The following PDE10A variants were observed in gnomAD, a reference collection of about 807,000 sequenced individuals.
The protein encoded by PDE10A is cAMP and cAMP-inhibited cGMP 3',5'-cyclic phosphodiesterase 10A.
A neutral mutation model predicts 97.7 loss-of-function variants in PDE10A; 39 were observed. The observed-to-expected ratio is 0.40, with a 90% CI of 0.31 to 0.52. PDE10A has a LOEUF of 0.52. Among genes scored for constraint, PDE10A ranks in the 20% least tolerant of loss-of-function variants. The pLI is 0.56. For synonymous variants in PDE10A, 371 were observed against 376.8 expected, an observed-to-expected ratio of 0.98 and a Z score of 0.18; for missense variants, 731 against 1,047.8, an observed-to-expected ratio of 0.70 and a Z score of 4.17.
intron 1 of PDE10A, among the ~76,000 whole-genome samples, chr6:165,643,863 A>G (rs1297933607): frequency 1.3e-5 from 2 of 152,208 alleles, no homozygotes; most frequent in African/African-American, 2.4e-5. Flanking sequence ...AAAAACAATG[A>G]TAAGTGGGTT....
chr6:165,797,071 G>A (rs1181313144), intron 1 of PDE10A, among the ~76,000 whole-genome samples: 2 of 152,196 alleles, frequency 1.3e-5, no homozygotes, highest in Non-Finnish European at 2.9e-5. Flanking sequence ...CAGGTAAAAA[G>A]CAGGACTCTC....
intron 1 of PDE10A, among the ~76,000 whole-genome samples, chr6:165,967,266 G>A (rs1225434103): frequency 6.6e-6 from 1 of 152,210 alleles, no homozygotes; most frequent in Non-Finnish European, 1.5e-5. Flanking sequence ...GGAGGCCGAG[G>A]CAGGCAGATC....
chr6:165,870,873 C>T (rs1251477514), intron 1 of PDE10A, among the ~76,000 whole-genome samples: 1 of 152,172 alleles, frequency 6.6e-6, no homozygotes, highest in African/African-American at 2.4e-5. Context: ...ATATCATGTT[C>T]TCACTCATGT....
chr6:165,682,885 C>T (rs1217711163), intron 1 of PDE10A, among the ~76,000 whole-genome samples: 1 of 152,174 alleles, frequency 6.6e-6, no homozygotes, highest in Non-Finnish European at 1.5e-5. Context: ...GTACCTGCAC[C>T]TTCAGGTCTG....
At chr6:165,599,385 G>A (rs1214862079) in intron 1 of PDE10A, among the ~76,000 whole-genome samples, 4 of 152,138 alleles carry the variant, frequency 2.6e-5, no homozygotes, top group Non-Finnish European at 5.9e-5. Flanking sequence ...CAGAGTGCCC[G>A]TATAGTTTTC....
chr6:165,758,123 A>G (rs1339576628), intron 1 of PDE10A, among the ~76,000 whole-genome samples: 1 of 152,246 alleles, frequency 6.6e-6, no homozygotes, highest in Non-Finnish European at 1.5e-5. Context: ...TTTTCATGAG[A>G]TTAAAAACTT....
intron 1 of PDE10A, among the ~76,000 whole-genome samples, chr6:165,784,313 A>G (rs1035604935): frequency 8.5e-5 from 13 of 152,210 alleles, no homozygotes; most frequent in Admixed American, 7.8e-4. Context: ...AGCCATCCTA[A>G]CCTCAACCAT....
intron 18 of PDE10A, among the ~76,000 whole-genome samples, chr6:165,352,111 C>A (rs868863586): frequency 6.6e-6 from 1 of 152,198 alleles, no homozygotes; most frequent in African/African-American, 2.4e-5. Context: ...ACCTTGGCCT[C>A]CCAAAGTGCT....
intron 1 of PDE10A, among the ~76,000 whole-genome samples, chr6:165,683,373 A>C (rs1791028666): frequency 1.3e-5 from 2 of 152,158 alleles, no homozygotes; most frequent in Non-Finnish European, 2.9e-5. Flanking sequence ...GGACTTATTT[A>C]AACAACAACA....
chr6:165,541,283 G>A (rs78541812), intron 2 of PDE10A, among the ~76,000 whole-genome samples: 2,993 of 151,842 alleles, frequency 0.02, 100 homozygotes, highest in African/African-American at 0.069. Context: ...CTAGCCCTCT[G>A]CAAGGTCAAA....
chr6:165,764,982 C>G (rs1777789916), intron 1 of PDE10A, among the ~76,000 whole-genome samples: 1 of 152,102 alleles, frequency 6.6e-6, no homozygotes, highest in Admixed American at 6.5e-5. Context: ...TCTCCACATC[C>G]CCATCAGATT....
chr6:165,431,645 C>T (rs1157287756), intron 7 of PDE10A, among the ~76,000 whole-genome samples, 173 bp from the exon 8 acceptor site: 1 of 148,532 alleles, frequency 6.7e-6, no homozygotes, highest in African/African-American at 2.5e-5. Context: ...TACACACACA[C>T]ACTACTTGTA....
rs374107653 is a variant in PDE10A, at chr6:165,610,549, AG to A, written c.865+51397del. Reference sequence around the variant, plus strand: ...CCGTCTCAAAAAAAAAAAAAAAAAAAGAAAGAAATGGGGAAAGGATTCCCTA... The same window carrying A: ...CCGTCTCAAAAAAAAAAAAAAAAAAAAAAGAAATGGGGAAAGGATTCCCTA... On this transcript the variant is annotated intron_variant, in intron 1 of 21. Transcript: ENST00000539869. Among the ~76,000 whole-genome samples, 1,072 of 149,612 alleles carry A rather than the reference AG, an allele frequency of 7.2e-3. 16 individuals are homozygous for A. Among genetic ancestry groups the A allele is most frequent in the African/African-American group, 0.026 (1,028 of 39,738 alleles).
At chr6:165,765,048 G>C (rs113446709) in intron 1 of PDE10A, among the ~76,000 whole-genome samples, 15,632 of 152,170 alleles carry the variant, frequency 0.1, 978 homozygotes, top group South Asian at 0.19. Context: ...AGAGCAGCTA[G>C]ATACAGAGTG....
At chr6:165,754,695 G>C (rs1185088993) in intron 1 of PDE10A, among the ~76,000 whole-genome samples, 1 of 152,072 alleles carries the variant, frequency 6.6e-6, no homozygotes, top group Non-Finnish European at 1.5e-5. Context: ...TCCACTTACC[G>C]TGTGAATTTG....
At chr6:165,355,358 G>A (rs1782960697) in intron 18 of PDE10A, among the ~76,000 whole-genome samples, 1 of 152,138 alleles carries the variant, frequency 6.6e-6, no homozygotes, top group Admixed American at 6.5e-5. Flanking sequence ...TCTAGTCAAT[G>A]TCCCTCATCG....
chr6:165,373,386 C>A lies in PDE10A; in HGVS notation c.2783+5808G>T, dbSNP rs1020556508. On this transcript the variant is annotated intron_variant, in intron 18 of 21. Transcript: ENST00000539869. ...AATGAACTCAAACAAATTTACAAGA[C>A]AAAAACAAACAACCCCATCAAAAAG... is the stretch of plus-strand genomic sequence containing the variant. Among the ~76,000 whole-genome samples, 1,440 of 151,990 alleles carry A rather than the reference C, an allele frequency of 9.5e-3. 17 individuals are homozygous for A. The highest frequency in any genetic ancestry group is 0.033 in the African/African-American group (1,355 of 41,452).
upstream of PDE10A, among the ~76,000 whole-genome samples, chr6:165,663,485 C>G (rs953663550): frequency 6.6e-6 from 1 of 152,248 alleles, no homozygotes; most frequent in Admixed American, 6.5e-5. Context: ...CAGCTGTGCG[C>G]TGCTGGGCGA....
chr6:165,907,073 G>T (rs1782307054), intron 1 of PDE10A, among the ~76,000 whole-genome samples: 1 of 150,700 alleles, frequency 6.6e-6, no homozygotes, highest in African/African-American at 2.5e-5. Flanking sequence ...GTGTTAGGAG[G>T]ACTCCTCTGC....
Sources: gnomAD v4.1 joint callset for allele counts (sites outside exome capture counted in the v4.1 genomes callset) on GRCh38, gnomAD v4.1.1 for gene constraint, MANE v1.5 for transcripts, NCBI Gene and HGNC (gene_info 2026-07-23, HGNC 2026-07-21) for gene names.